Variants in SEMA3D observed in about 807,000 individuals in gnomAD.
SEMA3D encodes the protein semaphorin 3D.
In SEMA3D, 84 loss-of-function variants were observed where a neutral mutation model predicts 100.1. The observed-to-expected ratio is 0.84, with a 90% CI of 0.70 to 1.01. The LOEUF (loss-of-function observed/expected upper bound fraction) is 1.01. Ranked by LOEUF, SEMA3D falls within the 50% of genes least tolerant of loss-of-function variation. SEMA3D has a pLI of 0.00. For synonymous variants in SEMA3D, 312 were observed against 320.7 expected (o/e 0.97, Z 0.29); for missense variants, 875 against 934.1 (o/e 0.94, Z 0.82).
intron 4 of SEMA3D, among the ~76,000 whole-genome samples, chr7:85,093,530 G>T (rs1273099890): frequency 6.6e-6 from 1 of 151,866 alleles, no homozygotes; most frequent in Non-Finnish European, 1.5e-5. Flanking sequence ...TTAAGCAGAT[G>T]ATATTTTCAT....
intron 7 of SEMA3D, among the ~76,000 whole-genome samples, chr7:85,067,423 C>T (rs1426296369): frequency 6.6e-6 from 1 of 152,130 alleles, no homozygotes; most frequent in Non-Finnish European, 1.5e-5. Context: ...CACATGCTGT[C>T]ACTTCAAAGC....
chr7:85,064,419 A>G (rs1203335644), intron 8 of SEMA3D, among the ~76,000 whole-genome samples: 1 of 152,194 alleles, frequency 6.6e-6, no homozygotes, highest in Non-Finnish European at 1.5e-5. Flanking sequence ...AAGACTACCT[A>G]TTAAGGGTAC....
chr7:85,063,636 C>G (rs1791535751), intron 8 of SEMA3D, among the ~76,000 whole-genome samples: 1 of 152,066 alleles, frequency 6.6e-6, no homozygotes, highest in Admixed American at 6.6e-5. Flanking sequence ...TGTTGCTGTC[C>G]CTTTCTCATT....
At chr7:85,058,989 A>G (rs756887129) in intron 8 of SEMA3D, among the ~76,000 whole-genome samples, 3 of 152,200 alleles carry the variant, frequency 2.0e-5, no homozygotes, top group Non-Finnish European at 4.4e-5. Context: ...CAAATGGTCA[A>G]GACATGGCTA....
intron 9 of SEMA3D, among the ~76,000 whole-genome samples, chr7:85,054,378 A>G (rs1336241403): frequency 1.3e-5 from 2 of 152,072 alleles, no homozygotes; most frequent in East Asian, 3.9e-4. Flanking sequence ...TACTGTTGCT[A>G]TAAGGCATGC....
intron 5 of SEMA3D, 30 bp from the exon 6 acceptor site, chr7:85,073,111 C>T (rs1791822052): frequency 6.2e-7 from 1 of 1,605,262 alleles, no homozygotes; most frequent in African/African-American, 1.3e-5. Flanking sequence ...AAAGCATTAA[C>T]ACACAATTCA....
intron 3 of SEMA3D, among the ~76,000 whole-genome samples, chr7:85,119,739 C>T (rs1184461729): frequency 6.6e-6 from 1 of 152,116 alleles, no homozygotes; most frequent in Non-Finnish European, 1.5e-5. Context: ...CAAACCTGGG[C>T]ATGCACCCTT....
chr7:85,155,846 C>T (rs1790579851), intron 1 of SEMA3D, among the ~76,000 whole-genome samples: 1 of 152,128 alleles, frequency 6.6e-6, no homozygotes, highest in African/African-American at 2.4e-5. Context: ...CCTCAGTCAA[C>T]AACAATTAAA....
intron 2 of SEMA3D, among the ~76,000 whole-genome samples, chr7:85,132,995 G>T (rs1469403582): frequency 6.6e-6 from 1 of 151,886 alleles, no homozygotes; most frequent in African/African-American, 2.4e-5. Flanking sequence ...TACGCAATAT[G>T]TATAGAATGA....
At chr7:85,083,417 A>G (rs1387418220) in intron 4 of SEMA3D, among the ~76,000 whole-genome samples, 4 of 152,214 alleles carry the variant, frequency 2.6e-5, no homozygotes, top group African/African-American at 9.6e-5. Flanking sequence ...CCATAACTCA[A>G]TAATCCAGAT....
chr7:85,207,676 G>A, the SEMA3D span, among the ~76,000 whole-genome samples: 34 of 151,840 alleles, frequency 2.2e-4, no homozygotes, highest in African/African-American at 7.7e-4. Context: ...TTTTTCCATC[G>A]TGATTTTGTG....
At chr7:85,158,779 T>C (rs1304933165) in intron 1 of SEMA3D, among the ~76,000 whole-genome samples, 2 of 152,066 alleles carry the variant, frequency 1.3e-5, no homozygotes, top group Non-Finnish European at 2.9e-5. Context: ...AGCTTTAAAA[T>C]TTCTGTCTTT....
the SEMA3D span, among the ~76,000 whole-genome samples, chr7:85,246,737 A>G: frequency 2.6e-5 from 4 of 151,928 alleles, no homozygotes; most frequent in East Asian, 5.8e-4. Context: ...ATAATTCCCT[A>G]TGACCTGGAA....
At chr7:85,081,386 CA>C (rs1374944838) in intron 5 of SEMA3D, 130 bp downstream of exon 5, 33 of 550,184 alleles carry the variant, frequency 6.0e-5, no homozygotes, top group Non-Finnish European at 2.3e-5. Context: ...CATTAATATT[CA>C]CATAGAATAT....
rs79503526 is a variant in SEMA3D at position 85,091,247 on chromosome 7, C to T, written c.312+6558G>A. On this transcript the variant is annotated intron_variant, in intron 4 of 18. Coordinates refer to ENST00000284136, the MANE Select transcript of SEMA3D (RefSeq NM_001384900.1). The stretch of plus-strand genomic sequence containing the variant: ...AGGAGAAAGAGAGAAAGAAAGCCAA[C>T]AAATAAATGCTTGAATAATATAGAC... Among the ~76,000 whole-genome samples the T allele has an allele frequency of 9.0e-3, 1,364 of 151,896 alleles. 41 individuals are homozygous for T. The highest frequency in any genetic ancestry group is 0.083 in the East Asian group (422 of 5,108).
intron 12 of SEMA3D, chr7:85,029,223 A>T: frequency 1.4e-6 from 1 of 726,042 alleles, no homozygotes; most frequent in East Asian, 2.6e-5. Flanking sequence ...GATTGAAGTC[A>T]CCTTTGATAT....
chr7:85,087,671 T>C (rs1385843997), intron 4 of SEMA3D, among the ~76,000 whole-genome samples: 2 of 152,182 alleles, frequency 1.3e-5, no homozygotes, highest in Non-Finnish European at 2.9e-5. Flanking sequence ...AGTTTATGGG[T>C]CAACACTGTT....
chr7:85,190,143 A>G (rs34843751), upstream of SEMA3D, among the ~76,000 whole-genome samples: 57,270 of 151,850 alleles, frequency 0.38, 10,964 homozygotes, highest in South Asian at 0.53. Context: ...AAAATCTACA[A>G]TCCTAGTTCT....
intron 9 of SEMA3D, 41 bp downstream of exon 9, chr7:85,055,676 A>G (rs1383828775): frequency 2.1e-5 from 5 of 236,856 alleles, no homozygotes; most frequent in Non-Finnish European, 2.8e-5. Flanking sequence ...ATATATATAT[A>G]TATATATATG....
Sources: gnomAD v4.1 joint callset for allele counts (sites outside exome capture counted in the v4.1 genomes callset) on GRCh38, gnomAD v4.1.1 for gene constraint, MANE v1.5 for transcripts, NCBI Gene and HGNC (gene_info 2026-07-23, HGNC 2026-07-21) for gene names.